ABCB9: variants seen among roughly 807,000 people sequenced by gnomAD.
The protein encoded by ABCB9 is ATP binding cassette subfamily B member 9, also known as ABC-type oligopeptide transporter ABCB9.
A neutral mutation model predicts 62.0 loss-of-function variants in ABCB9; 36 were observed. That is an observed-to-expected ratio of 0.58 (90% CI 0.45 to 0.77). The LOEUF (loss-of-function observed/expected upper bound fraction) is 0.77, where lower values mean the gene tolerates loss of function less well. Ranked by LOEUF, ABCB9 falls within the 30% of genes least tolerant of loss-of-function variation. The probability of loss-of-function intolerance (pLI) is 0.00; values close to 1 mark genes in which losing one functional copy is unlikely to be tolerated. For missense variants in ABCB9, 943 were observed against 1,054.7 expected, an observed-to-expected ratio of 0.89 and a Z score of 1.47; for synonymous variants, 435 against 461.4, an observed-to-expected ratio of 0.94 and a Z score of 0.73.
At chr12:122,954,682 G>A (rs895584173) in intron 2 of ABCB9, among the ~76,000 whole-genome samples, 6 of 152,048 alleles carry the variant, frequency 3.9e-5, no homozygotes, top group African/African-American at 1.2e-4. Context: ...TAGTAGAGAC[G>A]GAGTTTCACC....
At chr12:122,956,498 G>A (rs1222809090) in intron 2 of ABCB9, among the ~76,000 whole-genome samples, 1 of 152,096 alleles carries the variant, frequency 6.6e-6, no homozygotes, top group Non-Finnish European at 1.5e-5. Context: ...GTCTCTGTCA[G>A]TTAACATTTT....
At chr12:122,945,871 C>G (rs1395040474) in intron 6 of ABCB9, among the ~76,000 whole-genome samples, 154 bp downstream of exon 6, 1 of 125,846 alleles carries the variant, frequency 7.9e-6, no homozygotes, top group Non-Finnish European at 1.6e-5. Flanking sequence ...GAGTGAGGCT[C>G]TGTCTCAAAA....
chr12:122,941,100 C>T (rs1340745010), intron 7 of ABCB9, 105 bp from the exon 8 acceptor site: 17 of 1,315,344 alleles, frequency 1.3e-5, no homozygotes, highest in South Asian at 3.1e-5. Context: ...GGAGTTCTGG[C>T]GGGGAGATGC....
intron 1 of ABCB9, among the ~76,000 whole-genome samples, chr12:122,971,936 A>T (rs999733211): frequency 4.2e-4 from 64 of 151,806 alleles, no homozygotes; most frequent in Non-Finnish European, 7.5e-4. Flanking sequence ...AACTGATCTT[A>T]AAAAAAAGGA....
chr12:122,918,969 A>G (rs1711280568), downstream of ABCB9, among the ~76,000 whole-genome samples: 1 of 152,086 alleles, frequency 6.6e-6, no homozygotes, highest in Non-Finnish European at 1.5e-5. Flanking sequence ...TTCTGAATAT[A>G]TCATGTAAAA....
chr12:122,921,019 A>AT, exon 12 of ABCB9: 1 of 1,535,270 alleles, frequency 6.5e-7, no homozygotes, highest in South Asian at 1.2e-5. Context: ...CTCGGTTCTG[A>AT]TATCTGCAGG....
chr12:122,973,406 T>C (rs1217058480), intron 1 of ABCB9, among the ~76,000 whole-genome samples: 77 of 114,334 alleles, frequency 6.7e-4, no homozygotes, highest in Middle Eastern at 6.3e-3. Flanking sequence ...CTACTAAAAA[T>C]ACAAAAAATT....
chr12:122,945,406 G>A (rs1461340973), intron 6 of ABCB9, among the ~76,000 whole-genome samples: 5 of 152,198 alleles, frequency 3.3e-5, no homozygotes, highest in South Asian at 2.1e-4. Flanking sequence ...ACGCACTCCC[G>A]GGAGTGTGCC....
At chr12:122,936,007 A>G (rs961002105) in intron 9 of ABCB9, among the ~76,000 whole-genome samples, 3 of 152,138 alleles carry the variant, frequency 2.0e-5, no homozygotes, top group African/African-American at 7.2e-5. Flanking sequence ...GGAGTTCAAG[A>G]CCAGCCTGGG....
Position 122,929,780 on chromosome 12 carries a change from C to T in ABCB9, c.*131G>A, listed in dbSNP as rs2035037471. The stretch of plus-strand genomic sequence containing the variant: ...GGGGCAAGATGCAGGAAGCGGTGAT[C>T]CATGGGACATGGCAGGTCGTCTTTC... On this transcript the variant is annotated 3_prime_UTR_variant, in exon 12 of 12. Transcript: ENST00000280560. This position sits in a 1 kb window ranked among gnomAD's most constrained non-coding sequence, Gnocchi z 6.0. The T allele has an allele frequency of 5.6e-6, 8 of 1,420,600 alleles. No homozygotes were observed. The South Asian group carries it at 6.2e-5, about 11-fold the overall frequency. 88.0% of individuals were successfully genotyped at this position (1,420,600 alleles called of 1,614,324 possible).
At position 122,946,151 on chromosome 12, in the gene ABCB9, C is replaced by G. The variant is rs1262117044; in HGVS notation, c.1125G>C (p.Met375Ile). Reference protein sequence around the residue: ...SNTAEETISAMKTVRSFANEE... With the variant: ...SNTAEETISAIKTVRSFANEE... ...CATTGGCGAAGCTCCGGACAGTCTT[C>G]ATGGCACTGATGGTCTCCTCCGCCG... The change falls in exon 6 of 12, where the codon ATG becomes ATC. Residue 375 changes from methionine to isoleucine, a missense_variant. By Grantham distance (10) the Met-to-Ile change is conservative. Coordinates refer to ENST00000280560, the MANE Select transcript of ABCB9 (RefSeq NM_019625.4). 1 of 1,614,082 alleles carries G rather than the reference C, an allele frequency of 6.2e-7. No individual in the cohort carries two copies. The highest frequency in any genetic ancestry group is 8.5e-7 in the Non-Finnish European group (1 of 1,180,048).
At chr12:122,967,463 G>C (rs1242752233), upstream of ABCB9, among the ~76,000 whole-genome samples, 1 of 152,148 alleles carries the variant, frequency 6.6e-6, no homozygotes, top group Admixed American at 6.5e-5. Flanking sequence ...GCAGCAGGTG[G>C]GGCTAGAACT....
chr12:122,959,416 G>T lies in ABCB9; in HGVS notation c.601+219C>A, dbSNP rs927826416. ...AATAGAAATGGGTTCTCGCTATGTT[G>T]CCCAGGCTGGTTTTCAACTCCTGGG... On this transcript the variant is annotated intron_variant, in intron 2 of 11. Transcript: ENST00000280560. This position sits in a 1 kb window ranked among gnomAD's most constrained non-coding sequence, Gnocchi z 5.4. Among the ~76,000 whole-genome samples, 2 of 152,026 alleles carry T rather than the reference G, an allele frequency of 1.3e-5. No homozygotes were observed. The highest frequency in any genetic ancestry group is 2.9e-5 in the Non-Finnish European group (2 of 67,998).
At position 122,930,013 on chromosome 12, in the gene ABCB9, G is replaced by C; in HGVS notation, c.2199C>G (p.Leu733=). 1.3e-6 allele frequency: 2 copies of C among 1,574,772 alleles called. No individual in the cohort carries two copies. The highest frequency in any genetic ancestry group is 1.7e-6 in the Non-Finnish European group (2 of 1,161,938). Reference sequence around the variant, plus strand: ...TCTGCCGCTGCACCAGCTTGGCGTAGAGGCCGCCCTGGGCCAGCAGCTGCT... The same window carrying C: ...TCTGCCGCTGCACCAGCTTGGCGTACAGGCCGCCCTGGGCCAGCAGCTGCT... ...THQQLLAQGG[L]YAKLVQRQML... The change falls in exon 12 of 12, where the codon CTC becomes CTG. Residue 733 remains leucine, a synonymous_variant. Transcript: ENST00000280560. This position sits in a 1 kb window ranked among gnomAD's most constrained non-coding sequence, Gnocchi z 4.9.
chr12:122,963,019 C>T (rs2036988136), intron 1 of ABCB9, among the ~76,000 whole-genome samples: 1 of 152,200 alleles, frequency 6.6e-6, no homozygotes, highest in Non-Finnish European at 1.5e-5. Context: ...AGGGGCCAGG[C>T]ATGGTGGCTC....
Position 122,946,015 on chromosome 12 carries a change from G to A in ABCB9, c.1251+10C>T, listed in dbSNP as rs1321078950. The A allele has an allele frequency of 1.4e-5, 23 of 1,612,836 alleles. No homozygotes were observed. Among genetic ancestry groups the A allele is most frequent in the Non-Finnish European group, 1.8e-5 (21 of 1,179,760 alleles). ...TCCACAGCCAGAGCTGCCTGGCCAG[G>A]GGCACGTACCCCGCTGCCCCAGACG... On this transcript the variant is annotated intron_variant, in intron 6 of 11. Transcript: ENST00000280560.
chr12:122,959,581 T>C lies in ABCB9; in HGVS notation c.601+54A>G. 1 of 1,510,936 alleles carries C rather than the reference T, an allele frequency of 6.6e-7. No individual in the cohort carries two copies. The highest frequency in any genetic ancestry group is 8.9e-7 in the Non-Finnish European group (1 of 1,129,494). 93.6% of individuals were successfully genotyped at this position (1,510,936 alleles called of 1,614,324 possible). The stretch of plus-strand genomic sequence containing the variant: ...AATCTTTTAAAATCTAAGGCAGTCA[T>C]ATCCACCTAATTTGATGTTCTGGTG... On this transcript the variant is annotated intron_variant, in intron 2 of 11. Coordinates refer to ENST00000280560, the MANE Select transcript of ABCB9 (RefSeq NM_019625.4). This position sits in a 1 kb window ranked among gnomAD's most constrained non-coding sequence, Gnocchi z 5.4.
intron 11 of ABCB9, among the ~76,000 whole-genome samples, chr12:122,923,012 G>A (rs1407470201): frequency 6.6e-6 from 1 of 152,014 alleles, no homozygotes; most frequent in Non-Finnish European, 1.5e-5. Context: ...GTCTCACTAT[G>A]TTGCCCAGGC....
chr12:122,924,650 G>T (rs2034840339), downstream of ABCB9: 4 of 1,481,990 alleles, frequency 2.7e-6, no homozygotes, highest in African/African-American at 4.2e-5. Flanking sequence ...CAATGACAGA[G>T]TAAACTAAGT....
Sources: allele counts gnomAD v4.1 joint callset (sites outside exome capture counted in the v4.1 genomes callset), GRCh38; gene constraint gnomAD v4.1.1; non-coding constraint Gnocchi (gnomAD v3.1); transcripts MANE v1.5; gene names NCBI Gene and HGNC (gene_info 2026-07-23, HGNC 2026-07-21).